Variants in TMEM120B observed in about 807,000 individuals in gnomAD.
The protein encoded by TMEM120B is transmembrane protein 120B.
In TMEM120B, 31 loss-of-function variants were observed where a neutral mutation model predicts 55.5. That is an observed-to-expected ratio of 0.56 (90% CI 0.42 to 0.75). The LOEUF is 0.75. Among genes scored for constraint, TMEM120B ranks in the 30% least tolerant of loss-of-function variants. TMEM120B has a pLI of 0.00. For synonymous variants in TMEM120B, 203 were observed against 176.3 expected, an observed-to-expected ratio of 1.15 and a Z score of -1.20; for missense variants, 399 against 425.5, an observed-to-expected ratio of 0.94 and a Z score of 0.55.
At chr12:121,758,861 A>G (rs1384992170) in intron 5 of TMEM120B, 1 of 977,876 alleles carries the variant, frequency 1.0e-6, no homozygotes, top group African/African-American at 1.9e-5. Flanking sequence ...ATAGAGGAGG[A>G]CGGCCCAGCC....
intron 1 of TMEM120B, among the ~76,000 whole-genome samples, chr12:121,726,591 A>AAT (rs1555330158): frequency 4.8e-5 from 7 of 147,180 alleles, no homozygotes; most frequent in Admixed American, 2.0e-4. Context: ...AAAAAAAAAT[A>AAT]AAATAAAATA....
rs143175118 is a variant in TMEM120B, at chr12:121,745,953, C to T, written c.188+2206C>T. On this transcript the variant is annotated intron_variant, in intron 2 of 11. Coordinates refer to ENST00000449592, the MANE Select transcript of TMEM120B (RefSeq NM_001080825.2). ...CTTGGCTCACTGAACCTCTGCCTCC[C>T]GGGTTCAAGTGATTCTCCTGCCTCA... Among the ~76,000 whole-genome samples, 482 of 151,946 alleles carry T rather than the reference C, an allele frequency of 3.2e-3. 2 individuals are homozygous for T. The highest frequency in any genetic ancestry group is 5.1e-3 in the Non-Finnish European group (347 of 67,962).
chr12:121,726,435 C>T (rs918669624), intron 1 of TMEM120B, among the ~76,000 whole-genome samples: 1 of 151,188 alleles, frequency 6.6e-6, no homozygotes, highest in Non-Finnish European at 1.5e-5. Context: ...AAAAATTAGC[C>T]GGGCATGGTG....
chr12:121,734,296 T>C (rs1895062342), intron 1 of TMEM120B, among the ~76,000 whole-genome samples: 1 of 152,102 alleles, frequency 6.6e-6, no homozygotes, highest in African/African-American at 2.4e-5. Flanking sequence ...TTTGCTCTTG[T>C]TGCCCAGGCT....
At position 121,775,758 on chromosome 12, in the gene TMEM120B, A is replaced by T. The variant is rs1271766524; in HGVS notation, c.*36A>T. The T allele has an allele frequency of 6.2e-7, 1 of 1,608,404 alleles. No homozygotes were observed. The highest frequency in any genetic ancestry group is 2.2e-5 in the East Asian group (1 of 44,818). On this transcript the variant is annotated 3_prime_UTR_variant, in exon 12 of 12. Transcript: ENST00000449592. The surrounding 1 kb of genome is among the most constrained non-coding windows in gnomAD (Gnocchi z 4.3). The stretch of plus-strand genomic sequence containing the variant: ...CCTGTGCCCTCGGCCCGGACTTCAG[A>T]CTGCAGGGGGCTCCCGGGCTCCTTC...
At chr12:121,730,206 C>T (rs566511869) in intron 1 of TMEM120B, among the ~76,000 whole-genome samples, 6 of 151,476 alleles carry the variant, frequency 4.0e-5, no homozygotes, top group Admixed American at 1.3e-4. Context: ...TTGCAGTGAG[C>T]CAGGATTGGG....
rs1041999053 is a variant in TMEM120B at position 121,752,221 on chromosome 12, C to T, written c.459C>T (p.Tyr153=). ...GAVACRFVLH[Y]RVTDEVFNFL... ...TGGCATGTCGATTTGTCCTTCACTA[C>T]AGGTAGTGGGTGTGGCCGTGTGTGC... Residue 153 remains tyrosine (Y), a splice_region_variant and synonymous_variant, in exon 5 of 12, where the codon TAC becomes TAT. Transcript: ENST00000449592. 6.2e-7 allele frequency: 1 copy of T among 1,613,466 alleles called. No homozygotes were observed. The highest frequency in any genetic ancestry group is 1.1e-5 in the South Asian group (1 of 91,072).
intron 6 of TMEM120B, among the ~76,000 whole-genome samples, chr12:121,767,058 C>T (rs1249662216): frequency 6.6e-6 from 1 of 152,214 alleles, no homozygotes; most frequent in Non-Finnish European, 1.5e-5. Context: ...CTTGCAATTT[C>T]CAGATATTGG....
chr12:121,758,944 C>A, intron 5 of TMEM120B: 1 of 985,186 alleles, frequency 1.0e-6, no homozygotes, highest in Non-Finnish European at 1.2e-6. Context: ...GACGGCCCAG[C>A]CCCGCGCTGT....
Position 121,741,458 on chromosome 12 carries a change from T to C in TMEM120B, c.70-2171T>C, listed in dbSNP as rs141496185. Among the ~76,000 whole-genome samples the C allele has an allele frequency of 9.7e-4, 148 of 152,296 alleles. 1 individual carries two copies. Among genetic ancestry groups the C allele is most frequent in the African/African-American group, 3.4e-3 (142 of 41,574 alleles). Reference sequence around the variant, plus strand: ...GATTCTCCTGATTCAGCCTCCTGAATAGCTGGGATTACAGGCATGTGCCAT... The same window carrying C: ...GATTCTCCTGATTCAGCCTCCTGAACAGCTGGGATTACAGGCATGTGCCAT... On this transcript the variant is annotated intron_variant, in intron 1 of 11. Transcript: ENST00000449592.
intron 1 of TMEM120B, among the ~76,000 whole-genome samples, chr12:121,716,300 CCTCT>C (rs1254720822): frequency 6.8e-6 from 1 of 146,316 alleles, no homozygotes; most frequent in Admixed American, 6.8e-5. Context: ...AGAGTTAGAC[CCTCT>C]CTCTCAAAAA....
In TMEM120B at chr12:121,758,432, G is replaced by A. The variant is rs547051885; in HGVS notation, c.462-3217G>A. The A allele has an allele frequency of 9.1e-5, 89 of 982,110 alleles. 1 individual carries two copies. The East Asian group carries it at 0.01, about 112-fold the overall frequency. The allele number at this position is 982,110 out of a possible 1,614,324, so 60.8% of individuals were successfully genotyped here. ...ATGGAGGAGGACGGCCCAGCCCCGC[G>A]CTGTGGTCACCATGGAGGAGGATGG... On this transcript the variant is annotated intron_variant, in intron 5 of 11. Transcript: ENST00000449592.
intron 5 of TMEM120B, among the ~76,000 whole-genome samples, chr12:121,753,343 G>GT (rs1055443891): frequency 1.8e-4 from 28 of 151,606 alleles, no homozygotes; most frequent in South Asian, 8.4e-4. Context: ...TGGGTACAAG[G>GT]TTTTTTTTTA....
intron 6 of TMEM120B, among the ~76,000 whole-genome samples, chr12:121,764,897 G>GAGCT (rs781112626): frequency 2.7e-4 from 41 of 152,190 alleles, no homozygotes; most frequent in Non-Finnish European, 4.9e-4. Flanking sequence ...AGTTTAGCAG[G>GAGCT]AGCTGTTCAG....
chr12:121,757,520 A>AT (rs560745429), intron 5 of TMEM120B, among the ~76,000 whole-genome samples: 22,465 of 98,278 alleles, frequency 0.23, 2,278 homozygotes, highest in South Asian at 0.34. Flanking sequence ...TATTATTATT[A>AT]TTTATTTTTT....
intron 2 of TMEM120B, among the ~76,000 whole-genome samples, chr12:121,746,701 T>C (rs1404623489): frequency 6.6e-6 from 1 of 151,584 alleles, no homozygotes; most frequent in Admixed American, 6.6e-5. Context: ...ACGCCGGTAA[T>C]CCCAACACTT....
intron 5 of TMEM120B, among the ~76,000 whole-genome samples, chr12:121,760,840 C>G (rs1354377767): frequency 6.6e-6 from 1 of 152,170 alleles, no homozygotes; most frequent in East Asian, 1.9e-4. Context: ...CTCTAACTCT[C>G]TAACATCACA....
Position 121,758,677 on chromosome 12 carries a change from T to C in TMEM120B, c.462-2972T>C, listed in dbSNP as rs35503792. 7,758 of 812,578 alleles carry C rather than the reference T, an allele frequency of 9.5e-3. 412 individuals are homozygous for C. Among genetic ancestry groups the C allele is most frequent in the Admixed American group, 0.044 (237 of 5,350 alleles). The allele number at this position is 812,578 out of a possible 1,614,324, so 50.3% of individuals were successfully genotyped here. ...GCGCTGTGGTCACCATGGAGGAGGA[T>C]GGCCTAGCTCCACGCTGTGGTCACC... On this transcript the variant is annotated intron_variant, in intron 5 of 11. Transcript: ENST00000449592.
Position 121,750,363 on chromosome 12 carries a change from C to T in TMEM120B, c.306-17C>T. The T allele has an allele frequency of 6.2e-7, 1 of 1,611,854 alleles. No homozygotes were observed. The highest frequency in any genetic ancestry group is 8.5e-7 in the Non-Finnish European group (1 of 1,178,556). ...CACCTGCTAAGGATCATGCCCCTCACAGGTGTTTCCTTCCAGGCTCTACTT... is the reference window on the plus strand; with the variant it reads ...CACCTGCTAAGGATCATGCCCCTCATAGGTGTTTCCTTCCAGGCTCTACTT... On this transcript the variant is annotated splice_polypyrimidine_tract_variant and intron_variant, in intron 3 of 11. Coordinates refer to ENST00000449592, the MANE Select transcript of TMEM120B (RefSeq NM_001080825.2).
Sources: allele counts gnomAD v4.1 joint callset (sites outside exome capture counted in the v4.1 genomes callset), GRCh38; gene constraint gnomAD v4.1.1; non-coding constraint Gnocchi (gnomAD v3.1); transcripts MANE v1.5; gene names NCBI Gene and HGNC (gene_info 2026-07-23, HGNC 2026-07-21).